The following SLC27A6 variants were observed in gnomAD, a reference collection of about 807,000 sequenced individuals.
SLC27A6 encodes the protein long-chain fatty acid transport protein 6.
In SLC27A6, 74 loss-of-function variants were observed where a neutral mutation model predicts 63.9. That is an observed-to-expected ratio of 1.16 (90% CI 0.96 to 1.40). The LOEUF (loss-of-function observed/expected upper bound fraction) is 1.40. SLC27A6 is among the 40% of genes most tolerant of loss of function. The pLI, the probability that SLC27A6 is intolerant of heterozygous loss-of-function variation, is 0.00. For synonymous variants in SLC27A6, 287 were observed against 260.8 expected (o/e 1.10, Z -0.97); for missense variants, 794 against 732.9 (o/e 1.08, Z -0.96).
chr5:129,017,327 T>A (rs1337335088), intron 5 of SLC27A6, among the ~76,000 whole-genome samples: 1 of 152,026 alleles, frequency 6.6e-6, no homozygotes, highest in Non-Finnish European at 1.5e-5. Flanking sequence ...AATAAAACAT[T>A]TCTAAATATC....
At chr5:128,984,997 A>C (rs535444187) in intron 1 of SLC27A6, 136 bp from the exon 2 acceptor site, 3 of 650,794 alleles carry the variant, frequency 4.6e-6, no homozygotes, top group African/African-American at 3.7e-5. Flanking sequence ...TGACTGTGAT[A>C]TTACTTATCC....
intron 4 of SLC27A6, among the ~76,000 whole-genome samples, chr5:128,996,599 T>C (rs1363886220): frequency 1.3e-5 from 2 of 152,128 alleles, no homozygotes; most frequent in Non-Finnish European, 2.9e-5. Flanking sequence ...TTTATTATTT[T>C]GTTTTGTTTT....
rs188619710 is a variant in SLC27A6, at chr5:128,979,532, G to A, written c.482-5601G>A. Among the ~76,000 whole-genome samples the A allele has an allele frequency of 3.9e-3, 600 of 152,112 alleles. 2 individuals carry two copies. The highest frequency in any genetic ancestry group is 6.0e-3 in the Non-Finnish European group (410 of 67,978). Reference sequence around the variant, plus strand: ...TTACTAATGAGTCTGTCTGTAGATTGCTTTGGTCTGCATTTACTCTTCTAA... The same window carrying A: ...TTACTAATGAGTCTGTCTGTAGATTACTTTGGTCTGCATTTACTCTTCTAA... On this transcript the variant is annotated intron_variant, in intron 1 of 9. Coordinates refer to ENST00000262462, the MANE Select transcript of SLC27A6 (RefSeq NM_001017372.3).
intron 4 of SLC27A6, among the ~76,000 whole-genome samples, chr5:128,996,277 A>G (rs180762094): frequency 6.6e-6 from 1 of 152,068 alleles, no homozygotes; most frequent in Admixed American, 6.6e-5. Context: ...CTCAAGGCAT[A>G]GTCTATACTT....
intron 4 of SLC27A6, among the ~76,000 whole-genome samples, chr5:129,009,549 A>G (rs1751653066): frequency 2.0e-5 from 3 of 152,130 alleles, no homozygotes; most frequent in Admixed American, 2.0e-4. Context: ...TATTTATTTC[A>G]TTACAACTTT....
chr5:129,031,799 A>G (rs727646), intron 9 of SLC27A6, among the ~76,000 whole-genome samples: 34,003 of 151,866 alleles, frequency 0.22, 3,871 homozygotes, highest in Middle Eastern at 0.28. Context: ...ATGGCAGAAC[A>G]CTAAATTGTA....
At chr5:129,029,137 G>T (rs1198558926) in intron 8 of SLC27A6, among the ~76,000 whole-genome samples, 1 of 151,966 alleles carries the variant, frequency 6.6e-6, no homozygotes, top group Non-Finnish European at 1.5e-5. Context: ...AGCATTAAAT[G>T]ATTTTTGGAA....
At chr5:128,967,326 TA>T (rs941990847) in intron 1 of SLC27A6, among the ~76,000 whole-genome samples, 27 of 152,122 alleles carry the variant, frequency 1.8e-4, no homozygotes, top group Non-Finnish European at 1.6e-4. Flanking sequence ...GGCTAATTAG[TA>T]AAGAAGCTAG....
chr5:129,004,469 G>T (rs891494027), intron 4 of SLC27A6, among the ~76,000 whole-genome samples: 1 of 151,922 alleles, frequency 6.6e-6, no homozygotes, highest in Non-Finnish European at 1.5e-5. Flanking sequence ...CGCTCTCTCT[G>T]TCTCTTTGTC....
At chr5:129,003,858 C>T (rs1245125688) in intron 4 of SLC27A6, among the ~76,000 whole-genome samples, 4 of 149,234 alleles carry the variant, frequency 2.7e-5, no homozygotes, top group Non-Finnish European at 5.9e-5. Context: ...GTCTCAGCTA[C>T]TTGGGAAGGT....
rs199631283 is a variant in SLC27A6, at chr5:128,966,168, G to A, written c.31G>A (p.Ala11Thr). The A allele has an allele frequency of 1.3e-6, 2 of 1,573,798 alleles. No individual in the cohort carries two copies. The highest frequency in any genetic ancestry group is 1.7e-6 in the Non-Finnish European group (2 of 1,162,074). The change falls in exon 1 of 10, where the codon GCT (alanine) becomes ACT (threonine). Residue 11 changes from alanine (A) to threonine (T), a missense_variant. Transcript: ENST00000262462. MLLSWLTVLGAGMVVLHFLQK... is the reference protein window; with the variant it reads MLLSWLTVLGTGMVVLHFLQK... ...TCTGTCATGGCTAACAGTTCTAGGGGCTGGAATGGTCGTCCTGCACTTCTT... is the reference window on the plus strand; with the variant it reads ...TCTGTCATGGCTAACAGTTCTAGGGACTGGAATGGTCGTCCTGCACTTCTT...
At chr5:128,968,072 C>A (rs1446357398) in intron 1 of SLC27A6, among the ~76,000 whole-genome samples, 1 of 152,154 alleles carries the variant, frequency 6.6e-6, no homozygotes, top group East Asian at 1.9e-4. Flanking sequence ...TCATCCATGT[C>A]CCTACAAAGG....
chr5:129,000,104 T>A (rs543204753), intron 4 of SLC27A6, among the ~76,000 whole-genome samples: 1 of 152,134 alleles, frequency 6.6e-6, no homozygotes, highest in Non-Finnish European at 1.5e-5. Context: ...TCTCATCAGC[T>A]TGCTGAAGAG....
At chr5:129,033,033 C>T (rs1442370900) in intron 9 of SLC27A6, 73 bp from the exon 10 acceptor site, 2 of 860,376 alleles carry the variant, frequency 2.3e-6, no homozygotes, top group Admixed American at 7.3e-5. Flanking sequence ...ATATTACAGT[C>T]TATAGTATTA....
At chr5:129,032,683 C>T (rs947076138) in intron 9 of SLC27A6, among the ~76,000 whole-genome samples, 9 of 151,952 alleles carry the variant, frequency 5.9e-5, no homozygotes, top group South Asian at 4.1e-4. Flanking sequence ...TTCTGCACCC[C>T]GTCTGGCTCT....
At chr5:129,001,591 C>T (rs17617460) in intron 4 of SLC27A6, among the ~76,000 whole-genome samples, 15,264 of 152,194 alleles carry the variant, frequency 0.1, 852 homozygotes, top group South Asian at 0.2. Flanking sequence ...TGCTTTTATG[C>T]ATTAAATGGT....
chr5:129,006,071 G>GTTTTTTTTTTTTGTTTTTTTTTTTTTT (rs1751514544), intron 4 of SLC27A6, among the ~76,000 whole-genome samples: 1 of 60,148 alleles, frequency 1.7e-5, no homozygotes. Context: ...TGTGCACACT[G>GTTTTTTTTTTTTGTTTTTTTTTTTTTT]TTTTTTTTTT....
At chr5:128,998,117 C>CAAAA (rs34463699) in intron 4 of SLC27A6, among the ~76,000 whole-genome samples, 4 of 89,382 alleles carry the variant, frequency 4.5e-5, no homozygotes, top group African/African-American at 8.7e-5. Context: ...CCCATCTCTA[C>CAAAA]AAAAAAAAAA....
At chr5:128,975,627 A>T (rs1300673314) in intron 1 of SLC27A6, among the ~76,000 whole-genome samples, 2 of 152,198 alleles carry the variant, frequency 1.3e-5, no homozygotes, top group African/African-American at 4.8e-5. Flanking sequence ...CTACTGTTGT[A>T]TATGCAGTCC....
Sources: allele counts gnomAD v4.1 joint callset (sites outside exome capture counted in the v4.1 genomes callset), GRCh38; gene constraint gnomAD v4.1.1; transcripts MANE v1.5; gene names NCBI Gene and HGNC (gene_info 2026-07-23, HGNC 2026-07-21).